HLA-F: variants seen among roughly 807,000 people sequenced by gnomAD.
HLA-F encodes major histocompatibility complex, class I, F.
Under a neutral mutation model 49.5 loss-of-function variants are expected in HLA-F, and 46 were observed. The observed-to-expected ratio is 0.93, with a 90% CI of 0.73 to 1.19. HLA-F has a LOEUF of 1.19. Among genes scored for constraint, HLA-F ranks in the 50% most tolerant of loss-of-function variants. HLA-F has a pLI of 0.00. For synonymous variants in HLA-F, 203 were observed against 233.5 expected (o/e 0.87, Z 1.19); for missense variants, 496 against 579.6 (o/e 0.86, Z 1.48).
chr6:29,725,222 G>A lies in HLA-F; in HGVS notation c.802G>A (p.Val268Met). Residue 268 changes from valine (V) to methionine (M), a missense_variant, in exon 4 of 7, where the codon GTG becomes ATG. Transcript: ENST00000259951. ...GDGTFQKWAA[V>M]VVPPGEEQRY... ...TGGAACCTTCCAGAAGTGGGCCGCT[G>A]TGGTGGTGCCTCCTGGAGAGGAACA... 1 of 1,614,050 alleles carries A rather than the reference G, an allele frequency of 6.2e-7. No homozygotes were observed. The highest frequency in any genetic ancestry group is 8.5e-7 in the Non-Finnish European group (1 of 1,179,928).
chr6:29,724,588 C>G (rs1355163795), intron 3 of HLA-F, 140 bp downstream of exon 3: 1 of 864,526 alleles, frequency 1.2e-6, no homozygotes, highest in African/African-American at 1.7e-5. Context: ...TCCTGGCTTT[C>G]GAGATCCGGT....
downstream of HLA-F, among the ~76,000 whole-genome samples, chr6:29,731,276 GAT>G (rs759543774): frequency 1.3e-5 from 2 of 149,356 alleles, no homozygotes; most frequent in Non-Finnish European, 3.0e-5. Flanking sequence ...TAGATAGATA[GAT>G]AGACAAGAGG....
At chr6:29,733,125 G>T (rs1217059059) in intron 3 of HLA-F, among the ~76,000 whole-genome samples, 1 of 152,164 alleles carries the variant, frequency 6.6e-6, no homozygotes, top group African/African-American at 2.4e-5. Flanking sequence ...AGAGGCGGAG[G>T]TTGCAGTGAG....
At chr6:29,726,831 T>G in intron 6 of HLA-F, 52 bp from the exon 7 acceptor site, 1 of 1,589,168 alleles carries the variant, frequency 6.3e-7, no homozygotes, top group Non-Finnish European at 8.5e-7. Context: ...CTTGTTGGCT[T>G]TAACATCCAC....
intron 3 of HLA-F, among the ~76,000 whole-genome samples, chr6:29,733,360 A>ATT (rs9280686): frequency 0.34 from 51,363 of 151,714 alleles, 8,785 homozygotes; most frequent in Non-Finnish European, 0.38. Context: ...TGTGTATTTT[A>ATT]TTTTTTTTAA....
Position 29,724,256 on chromosome 6 carries a change from G to T in HLA-F, c.418G>T (p.Asp140Tyr), listed in dbSNP as rs749083900. The T allele has an allele frequency of 1.3e-5, 21 of 1,613,248 alleles. No homozygotes were observed. The highest frequency in any genetic ancestry group is 1.8e-5 in the Non-Finnish European group (21 of 1,180,038). ...LLRGYHQHAY[D>Y]GKDYISLNED... ...CCGCGGGTATCACCAGCACGCGTAC[G>T]ACGGCAAGGATTACATCTCCCTGAA... is the stretch of plus-strand genomic sequence containing the variant. The change falls in exon 3 of 7, where the codon GAC becomes TAC. Residue 140 changes from aspartate to tyrosine, a missense_variant. Coordinates refer to ENST00000259951, the MANE Select transcript of HLA-F (RefSeq NM_001098479.2).
At chr6:29,736,100 G>C in intron 3 of HLA-F, 1 of 231,384 alleles carries the variant, frequency 4.3e-6, no homozygotes, top group South Asian at 5.0e-5. Flanking sequence ...CAAGAGGTCT[G>C]TGCATACCTC....
rs752184396 is a variant in HLA-F, at chr6:29,725,523, A to G, written c.963A>G (p.Gly321=). The G allele has an allele frequency of 9.9e-6, 16 of 1,613,814 alleles. No homozygotes were observed. The African/African-American group carries it at 1.3e-4, about 13-fold the overall frequency. The change falls in exon 5 of 7, where the codon GGA becomes GGG. Residue 321 remains glycine (G), a synonymous_variant. Coordinates refer to ENST00000259951, the MANE Select transcript of HLA-F (RefSeq NM_001098479.2). ...GLVVLGAVVT[G]AVVAAVMWRK... is the part of the protein sequence containing the mutation. ...TTGTCCTTGGAGCTGTGGTCACTGG[A>G]GCTGTGGTCGCTGCTGTGATGTGGA... is the stretch of plus-strand genomic sequence containing the variant.
intron 3 of HLA-F, chr6:29,737,716 G>C (rs1454550440): frequency 6.6e-6 from 1 of 152,200 alleles, no homozygotes; most frequent in South Asian, 2.1e-4. Flanking sequence ...GTGACATATG[G>C]TTCTTGTTCT....
At chr6:29,736,500 A>G in intron 3 of HLA-F, 1 of 422,392 alleles carries the variant, frequency 2.4e-6, no homozygotes, top group Non-Finnish European at 4.7e-6. Flanking sequence ...ACTTGAATGA[A>G]GGACAACATG....
chr6:29,723,508 C>G lies in HLA-F; in HGVS notation c.45C>G (p.Ala15=), dbSNP rs746843367. Residue 15 remains alanine, a synonymous_variant, in exon 1 of 7, where the codon GCC becomes GCG. Transcript: ENST00000259951. ...SLLLLLSGAL[A]LTDTWAGSHS... Reference sequence around the variant, plus strand: ...TCCTGCTGCTCTCAGGGGCCCTGGCCCTGACCGATACTTGGGCGGGTGAGT... The same window carrying G: ...TCCTGCTGCTCTCAGGGGCCCTGGCGCTGACCGATACTTGGGCGGGTGAGT... The G allele has an allele frequency of 6.2e-7, 1 of 1,613,142 alleles. No individual in the cohort carries two copies. The highest frequency in any genetic ancestry group is 8.5e-7 in the Non-Finnish European group (1 of 1,179,908).
At position 29,725,480 on chromosome 6, in the gene HLA-F, G is replaced by A. The variant is rs759495288; in HGVS notation, c.920G>A (p.Gly307Asp). The A allele has an allele frequency of 6.2e-7, 1 of 1,614,142 alleles. No individual in the cohort carries two copies. Reference sequence around the variant, plus strand: ...CCCCAGCCCACCATCCCCATCGTGGGCATCGTTGCTGGCCTTGTTGTCCTT... The same window carrying A: ...CCCCAGCCCACCATCCCCATCGTGGACATCGTTGCTGGCCTTGTTGTCCTT... ...QSPQPTIPIV[G>D]IVAGLVVLGA... Residue 307 changes from glycine (G) to aspartate (D), a missense_variant, in exon 5 of 7, where the codon GGC (glycine) becomes GAC (aspartate). Physicochemically the swap from Gly to Asp is moderately conservative, Grantham distance 94 (BLOSUM62 -1). Coordinates refer to ENST00000259951, the MANE Select transcript of HLA-F (RefSeq NM_001098479.2).
At chr6:29,733,796 A>G (rs1776826520) in intron 3 of HLA-F, among the ~76,000 whole-genome samples, 1 of 152,360 alleles carries the variant, frequency 6.6e-6, no homozygotes, top group Admixed American at 6.5e-5. Context: ...CGTTTAGCTG[A>G]GCAATGAAGT....
chr6:29,728,194 A>C (rs1371680366), downstream of HLA-F: 1 of 416,592 alleles, frequency 2.4e-6, no homozygotes, highest in Non-Finnish European at 4.8e-6. Context: ...CAAGATTGCC[A>C]AGGGTAAGGA....
intron 3 of HLA-F, among the ~76,000 whole-genome samples, chr6:29,734,284 C>A (rs1610602): frequency 0.26 from 38,974 of 152,056 alleles, 5,123 homozygotes; most frequent in South Asian, 0.34. Flanking sequence ...CCCGGGCATA[C>A]AAAAATTATA....
chr6:29,726,460 C>T, intron 6 of HLA-F: 1 of 1,606,342 alleles, frequency 6.2e-7, no homozygotes, highest in South Asian at 1.1e-5. Flanking sequence ...AGCAGAATTG[C>T]ACTTGTGCCT....
downstream of HLA-F, chr6:29,727,834 C>A (rs767960864): frequency 2.3e-6 from 1 of 432,218 alleles, no homozygotes; most frequent in Non-Finnish European, 4.5e-6. Flanking sequence ...TCCCCATACC[C>A]TGAGGTTCTG....
intron 3 of HLA-F, chr6:29,736,433 G>A (rs1449852165): frequency 8.8e-6 from 4 of 452,820 alleles, no homozygotes; most frequent in Non-Finnish European, 1.8e-5. Context: ...AGGACTTTCA[G>A]TAATGGAGAT....
intron 3 of HLA-F, among the ~76,000 whole-genome samples, chr6:29,732,799 A>T (rs2248693): frequency 0.82 from 124,212 of 152,110 alleles, 51,036 homozygotes; most frequent in East Asian, 0.98. Flanking sequence ...ACTACTTGTA[A>T]AATAATACAT....
Sources: gnomAD v4.1 joint callset for allele counts (sites outside exome capture counted in the v4.1 genomes callset) on GRCh38, gnomAD v4.1.1 for gene constraint, MANE v1.5 for transcripts, NCBI Gene and HGNC (gene_info 2026-07-23, HGNC 2026-07-21) for gene names.